Variants in ADAMTS3 observed in about 807,000 individuals in gnomAD.
The protein encoded by ADAMTS3 is ADAM metallopeptidase with thrombospondin type 1 motif 3.
ADAMTS3 carries 73 observed loss-of-function variants against 129.0 expected under a neutral mutation model. The ratio of observed to expected loss-of-function variants is 0.57; its 90% CI spans 0.47 to 0.69. The LOEUF (loss-of-function observed/expected upper bound fraction) is 0.69. ADAMTS3 is among the 30% of genes least tolerant of loss of function. The probability of loss-of-function intolerance (pLI) is 0.00; values close to 1 mark genes in which losing one functional copy is unlikely to be tolerated. For synonymous variants in ADAMTS3, 477 were observed against 510.8 expected (o/e 0.93, Z 0.89); for missense variants, 1,457 against 1,514.5 (o/e 0.96, Z 0.63).
chr4:72,305,632 G>A (rs140810656), intron 16 of ADAMTS3, among the ~76,000 whole-genome samples: 143 of 151,628 alleles, frequency 9.4e-4, no homozygotes, highest in Non-Finnish European at 1.8e-3. Flanking sequence ...TATGTTTCTT[G>A]TTTTAAAGTA....
intron 16 of ADAMTS3, 62 bp from the exon 17 acceptor site, chr4:72,304,142 TTCACAGCAAGTATA>T: frequency 6.7e-7 from 1 of 1,499,818 alleles, no homozygotes; most frequent in Non-Finnish European, 9.2e-7. Flanking sequence ...GTGCTGAAGA[TTCACAGCAAGTATA>T]TCCTTTCTAC....
At chr4:72,487,422 T>C (rs990589385) in intron 3 of ADAMTS3, among the ~76,000 whole-genome samples, 1 of 152,034 alleles carries the variant, frequency 6.6e-6, no homozygotes, top group African/African-American at 2.4e-5. Context: ...AAAAATTCAC[T>C]AGATGAGAGT....
chr4:72,446,516 G>A (rs1718257270), intron 3 of ADAMTS3, among the ~76,000 whole-genome samples: 1 of 151,502 alleles, frequency 6.6e-6, no homozygotes, highest in Non-Finnish European at 1.5e-5. Flanking sequence ...CAAGAAAACA[G>A]CGATCACACT....
chr4:72,456,845 A>G (rs1718634243), intron 3 of ADAMTS3, among the ~76,000 whole-genome samples: 1 of 151,590 alleles, frequency 6.6e-6, no homozygotes, highest in Non-Finnish European at 1.5e-5. Flanking sequence ...AGCACTCCCT[A>G]TATAGTGCCC....
At chr4:72,473,229 G>T (rs1296338526) in intron 3 of ADAMTS3, among the ~76,000 whole-genome samples, 1 of 151,830 alleles carries the variant, frequency 6.6e-6, no homozygotes, top group Non-Finnish European at 1.5e-5. Context: ...GTCTACTCTG[G>T]ACCTTATATA....
intron 5 of ADAMTS3, among the ~76,000 whole-genome samples, chr4:72,328,356 T>C (rs924184432): frequency 6.6e-6 from 1 of 152,208 alleles, no homozygotes; most frequent in South Asian, 2.1e-4. Flanking sequence ...CAGGACAAAT[T>C]CTCCCAGGAC....
chr4:72,283,806 C>G (rs566220145), intron 21 of ADAMTS3, 102 bp from the exon 22 acceptor site: 1 of 942,176 alleles, frequency 1.1e-6, no homozygotes, highest in Non-Finnish European at 1.5e-6. Context: ...GATTTAAGTG[C>G]AATCTGACAC....
At position 72,306,677 on chromosome 4, in the gene ADAMTS3, C is replaced by T. The variant is rs910939173; in HGVS notation, c.2180-610G>A. 3.9e-5 allele frequency among the ~76,000 whole-genome samples: 6 copies of T among 151,906 alleles called. No homozygotes were observed. In the South Asian group the frequency reaches 8.3e-4, roughly 21 times the overall value. On this transcript the variant is annotated intron_variant, in intron 15 of 21. Coordinates refer to ENST00000286657, the MANE Select transcript of ADAMTS3 (RefSeq NM_014243.3). ...TATGATGGGACTATTTTAACCAAAT[C>T]GACAACATGGATTTTAAACCACTTA...
intron 4 of ADAMTS3, among the ~76,000 whole-genome samples, chr4:72,391,801 T>A (rs1454704809): frequency 6.6e-6 from 1 of 151,912 alleles, no homozygotes; most frequent in Non-Finnish European, 1.5e-5. Flanking sequence ...GAAAATATTG[T>A]TATTGGAGCA....
chr4:72,390,437 A>T (rs1721561735), intron 4 of ADAMTS3, among the ~76,000 whole-genome samples: 1 of 152,206 alleles, frequency 6.6e-6, no homozygotes, highest in Non-Finnish European at 1.5e-5. Context: ...GTGAAAACTG[A>T]GGCACAGAAA....
chr4:72,558,909 A>G (rs1388708332), intron 2 of ADAMTS3, among the ~76,000 whole-genome samples: 1 of 151,766 alleles, frequency 6.6e-6, no homozygotes, highest in Non-Finnish European at 1.5e-5. Flanking sequence ...CTACCAGGAA[A>G]TGTACTGGAA....
intron 3 of ADAMTS3, among the ~76,000 whole-genome samples, chr4:72,510,192 C>CT (rs1176500816): frequency 1.3e-5 from 2 of 151,906 alleles, no homozygotes; most frequent in African/African-American, 4.8e-5. Context: ...AACTGAAACT[C>CT]TTTCCTCTAA....
At chr4:72,318,022 C>G (rs1336462913) in intron 10 of ADAMTS3, among the ~76,000 whole-genome samples, 13 of 150,026 alleles carry the variant, frequency 8.7e-5, no homozygotes, top group Admixed American at 2.6e-4. Flanking sequence ...GAGTGAGACT[C>G]CGTCTCAAAA....
At chr4:72,463,541 T>C (rs1321665117) in intron 3 of ADAMTS3, among the ~76,000 whole-genome samples, 1 of 151,944 alleles carries the variant, frequency 6.6e-6, no homozygotes, top group Non-Finnish European at 1.5e-5. Flanking sequence ...GAAGCATCTT[T>C]CCACAGCTCC....
At chr4:72,566,654 T>G (rs1441277314) in intron 2 of ADAMTS3, among the ~76,000 whole-genome samples, 2 of 152,228 alleles carry the variant, frequency 1.3e-5, no homozygotes, top group African/African-American at 4.8e-5. Flanking sequence ...TAGCCTGGCT[T>G]CTTGCCAGAT....
chr4:72,558,707 T>A (rs1035583407), intron 2 of ADAMTS3, among the ~76,000 whole-genome samples: 3 of 151,680 alleles, frequency 2.0e-5, no homozygotes, highest in African/African-American at 7.3e-5. Flanking sequence ...GATGTGTGAC[T>A]CTTCAGCATG....
At chr4:72,362,918 T>G (rs1457701804) in intron 4 of ADAMTS3, among the ~76,000 whole-genome samples, 1 of 152,092 alleles carries the variant, frequency 6.6e-6, no homozygotes, top group African/African-American at 2.4e-5. Flanking sequence ...GATACTACAC[T>G]AAAAATAAGA....
intron 3 of ADAMTS3, among the ~76,000 whole-genome samples, chr4:72,499,067 T>C (rs1397036547): frequency 6.6e-6 from 1 of 152,076 alleles, no homozygotes; most frequent in Non-Finnish European, 1.5e-5. Context: ...TCTCTAAAAG[T>C]CAGCCCAGAA....
Position 72,329,892 on chromosome 4 carries a change from T to G in ADAMTS3, c.862-6795A>C, listed in dbSNP as rs571085050. 2.6e-5 allele frequency among the ~76,000 whole-genome samples: 4 copies of G among 152,302 alleles called. No individual in the cohort carries two copies. The East Asian group carries it at 7.7e-4, about 29-fold the overall frequency. On this transcript the variant is annotated intron_variant, in intron 5 of 21. Coordinates refer to ENST00000286657, the MANE Select transcript of ADAMTS3 (RefSeq NM_014243.3). ...CTGCCTAACCTTTACATGTCAGTGT[T>G]GCTCAAGGTTTGTTTGTTTGTTTGT...
Sources: allele counts gnomAD v4.1 joint callset (sites outside exome capture counted in the v4.1 genomes callset), GRCh38; gene constraint gnomAD v4.1.1; transcripts MANE v1.5; gene names NCBI Gene and HGNC (gene_info 2026-07-23, HGNC 2026-07-21).